CATSPERG: variants seen among roughly 807,000 people sequenced by gnomAD.
CATSPERG encodes the protein cation channel sperm-associated auxiliary subunit gamma.
A neutral mutation model predicts 145.0 loss-of-function variants in CATSPERG; 115 were observed. The ratio of observed to expected loss-of-function variants is 0.79; its 90% confidence interval spans 0.68 to 0.93. The LOEUF (loss-of-function observed/expected upper bound fraction) is 0.93, where lower values mean the gene tolerates loss of function less well. CATSPERG is among the 40% of genes least tolerant of loss of function. The pLI, the probability that CATSPERG is intolerant of heterozygous loss-of-function variation, is 0.00. For synonymous variants in CATSPERG, 588 were observed against 589.0 expected, an observed-to-expected ratio of 1.00 and a Z score of 0.02; for missense variants, 1,296 against 1,490.1, an observed-to-expected ratio of 0.87 and a Z score of 2.14.
At chr19:38,359,613 C>G in intron 14 of CATSPERG, 32 bp downstream of exon 14, 2 of 1,589,114 alleles carry the variant, frequency 1.3e-6, no homozygotes, top group East Asian at 4.5e-5. Flanking sequence ...CCCGTTCCCT[C>G]TCTGCCCACC....
rs1422019117 is a variant in CATSPERG, at chr19:38,360,554, G to A, written c.1674G>A (p.Val558=). Residue 558 remains valine (V), a synonymous_variant, in exon 15 of 29, where the codon GTG becomes GTA. Transcript: ENST00000409235. ...YQLFPSKGWQ[V]HISLKLMQQS... ...TGTTCCCTTCCAAGGGCTGGCAGGT[G>A]CACATCAGCTTAAAGCTGATGCAAC... is the stretch of plus-strand genomic sequence containing the variant. The A allele has an allele frequency of 3.1e-6, 5 of 1,614,046 alleles. No homozygotes were observed. The highest frequency in any genetic ancestry group is 1.3e-5 in the African/African-American group (1 of 74,920).
chr19:38,336,194 A>T (rs1485074830), intron 1 of CATSPERG: 4 of 455,612 alleles, frequency 8.8e-6, no homozygotes, highest in Non-Finnish European at 1.8e-5. Context: ...GTACGAGGGG[A>T]AGGTGAGACT....
In CATSPERG at chr19:38,358,443, G is replaced by A; in HGVS notation, c.1378G>A (p.Glu460Lys). The change falls in exon 13 of 29, where the codon GAG becomes AAG. Residue 460 changes from glutamate (E) to lysine (K), a missense_variant. By Grantham distance (56) the Glu-to-Lys change is moderately conservative. Transcript: ENST00000409235. The stretch of plus-strand genomic sequence containing the variant: ...TCTGCTCCGGTCAGCTCGAGGATTG[G>A]AGTTCCTGATGATCCTAGGGACAGA... ...PEFIPEARGL[E>K]FLMILGTESY... 2 of 1,614,190 alleles carry A rather than the reference G, an allele frequency of 1.2e-6. No homozygotes were observed. The highest frequency in any genetic ancestry group is 1.7e-6 in the Non-Finnish European group (2 of 1,180,018).
chr19:38,351,290 G>A (rs139228174), intron 7 of CATSPERG, among the ~76,000 whole-genome samples: 12 of 151,364 alleles, frequency 7.9e-5, no homozygotes, highest in African/African-American at 2.2e-4. Flanking sequence ...CAAGACTCCC[G>A]TCTACACAGT....
At chr19:38,360,131 G>C (rs1268584350) in intron 14 of CATSPERG, 1 of 985,272 alleles carries the variant, frequency 1.0e-6, no homozygotes, top group African/African-American at 1.7e-5. Context: ...GAAATGGTGA[G>C]ACCCTGGAAG....
chr19:38,368,103 T>A lies in CATSPERG; in HGVS notation c.2986T>A (p.Phe996Ile). ...RTTRTTKDSA[F>I]HIMSHESPGI... is the part of the protein sequence containing the mutation. Reference sequence around the variant, plus strand: ...CACAAGGACCACCAAAGACTCAGCCTTTCACATCATGTCCCACGAGAGCCC... The same window carrying A: ...CACAAGGACCACCAAAGACTCAGCCATTCACATCATGTCCCACGAGAGCCC... The change falls in exon 26 of 29, where the codon TTT becomes ATT. Residue 996 changes from phenylalanine (F) to isoleucine (I), a missense_variant. By Grantham distance (21) the Phe-to-Ile change is conservative. Coordinates refer to ENST00000409235, the MANE Select transcript of CATSPERG (RefSeq NM_021185.5). 6.2e-7 allele frequency: 1 copy of A among 1,614,170 alleles called. No homozygotes were observed. The highest frequency in any genetic ancestry group is 8.5e-7 in the Non-Finnish European group (1 of 1,180,032).
chr19:38,352,644 C>G (rs894400497), intron 8 of CATSPERG: 5 of 575,118 alleles, frequency 8.7e-6, no homozygotes, highest in African/African-American at 2.0e-5. Flanking sequence ...TCCACCCAGA[C>G]CCTCCTGGGA....
At position 38,354,761 on chromosome 19, in the gene CATSPERG, T is replaced by C. The variant is rs545451828; in HGVS notation, c.1049T>C (p.Val350Ala). Residue 350 changes from valine (V) to alanine (A), a missense_variant, in exon 9 of 29, where the codon GTG (valine) becomes GCG (alanine). Transcript: ENST00000409235. ...ASECIKKLCP[V>A]YFHSNGSEYI... ...GAGTGCATCAAGAAGCTGTGCCCTG[T>C]GTATTTCCATAGCAATGGCTCTGAG... 1 of 1,614,204 alleles carries C rather than the reference T, an allele frequency of 6.2e-7. No individual in the cohort carries two copies. Among genetic ancestry groups the C allele is most frequent in the African/African-American group, 1.3e-5 (1 of 75,060 alleles).
intron 3 of CATSPERG, among the ~76,000 whole-genome samples, chr19:38,340,998 G>A (rs985382195): frequency 6.6e-6 from 1 of 152,196 alleles, no homozygotes; most frequent in Non-Finnish European, 1.5e-5. Context: ...GGAGAGCCAG[G>A]TAAAGCTTTC....
chr19:38,338,342 G>C (rs945548966), intron 3 of CATSPERG, among the ~76,000 whole-genome samples: 4 of 151,668 alleles, frequency 2.6e-5, no homozygotes, highest in Admixed American at 2.6e-4. Flanking sequence ...TAGAGATGGG[G>C]TTTCACCGGG....
intron 26 of CATSPERG, among the ~76,000 whole-genome samples, 164 bp from the exon 27 acceptor site, chr19:38,369,799 ACAGTAGGCG>A (rs1335637687): frequency 8.5e-5 from 13 of 152,216 alleles, no homozygotes; most frequent in Admixed American, 8.5e-4. Context: ...AACCTGTGGC[ACAGTAGGCG>A]TTCAGTCAGC....
intron 26 of CATSPERG, 81 bp downstream of exon 26, chr19:38,368,218 G>C: frequency 8.1e-7 from 1 of 1,228,706 alleles, no homozygotes; most frequent in Non-Finnish European, 1.2e-6. Context: ...CCCCTAGGAG[G>C]CCTCTTGATC....
At position 38,343,682 on chromosome 19, in the gene CATSPERG, C is replaced by A; in HGVS notation, c.427C>A (p.Gln143Lys). Residue 143 changes from glutamine (Q) to lysine (K), a missense_variant, in exon 4 of 29, where the codon CAG becomes AAG. Coordinates refer to ENST00000409235, the MANE Select transcript of CATSPERG (RefSeq NM_021185.5). ...PVNFYRWKIEQLQIQMEAAPF... is the reference protein window; with the variant it reads ...PVNFYRWKIEKLQIQMEAAPF... Reference sequence around the variant, plus strand: ...CAACTTCTACCGCTGGAAGATAGAGCAGCTGCAGATCCAGATGGAGGCTGC... The same window carrying A: ...CAACTTCTACCGCTGGAAGATAGAGAAGCTGCAGATCCAGATGGAGGCTGC... The A allele has an allele frequency of 6.4e-7, 1 of 1,551,388 alleles. No homozygotes were observed. The highest frequency in any genetic ancestry group is 8.7e-7 in the Non-Finnish European group (1 of 1,146,962).
chr19:38,360,959 T>C, intron 16 of CATSPERG, 116 bp downstream of exon 16: 1 of 844,106 alleles, frequency 1.2e-6, no homozygotes, highest in Non-Finnish European at 1.9e-6. Context: ...CTCAGGGCTA[T>C]GATGGCAGGA....
intron 7 of CATSPERG, among the ~76,000 whole-genome samples, chr19:38,350,718 G>A (rs111496053): frequency 1.3e-5 from 2 of 152,150 alleles, no homozygotes; most frequent in East Asian, 1.9e-4. Context: ...GCTGGGTGTG[G>A]TGGCTCAGGC....
intron 1 of CATSPERG, chr19:38,336,160 G>A: frequency 2.2e-6 from 1 of 456,272 alleles, no homozygotes; most frequent in Non-Finnish European, 4.4e-6. Context: ...GGAAGAGTAA[G>A]AAGTGGGGCA....
At chr19:38,345,065 T>C in intron 6 of CATSPERG, among the ~76,000 whole-genome samples, 1 of 148,888 alleles carries the variant, frequency 6.7e-6, no homozygotes, top group African/African-American at 2.5e-5. Flanking sequence ...TACCACCATA[T>C]CCAGCTAATT....
At chr19:38,340,390 G>T (rs1337989635) in intron 3 of CATSPERG, among the ~76,000 whole-genome samples, 1 of 148,850 alleles carries the variant, frequency 6.7e-6, no homozygotes, top group Admixed American at 6.7e-5. Flanking sequence ...GCATGATCTC[G>T]GCTCAGTACA....
Position 38,358,476 on chromosome 19 carries a change from A to AC in CATSPERG, c.1413dup (p.Ser472GlnfsTer12), listed in dbSNP as rs1486092598. 2 of 1,614,114 alleles carry AC rather than the reference A, an allele frequency of 1.2e-6. No homozygotes were observed. The highest frequency in any genetic ancestry group is 8.5e-7 in the Non-Finnish European group (1 of 1,180,016). On this transcript the variant is annotated frameshift_variant, in exon 13 of 29. Transcript: ENST00000409235. LOFTEE classifies it high-confidence loss of function. ...GATGATCCTAGGGACAGAGTCCTAC[A>AC]CCAGCACTGCAATGGCCCCCAAGGG...
Sources: allele counts gnomAD v4.1 joint callset (sites outside exome capture counted in the v4.1 genomes callset), GRCh38; gene constraint gnomAD v4.1.1; transcripts MANE v1.5; gene names NCBI Gene and HGNC (gene_info 2026-07-23, HGNC 2026-07-21).